SHISA9: variants seen among roughly 807,000 people sequenced by gnomAD.
SHISA9 encodes the protein protein shisa-9.
Under a neutral mutation model 38.0 loss-of-function variants are expected in SHISA9, and 13 were observed. That is an observed-to-expected ratio of 0.34 (90% CI 0.22 to 0.54). The LOEUF (loss-of-function observed/expected upper bound fraction) is 0.54. Among genes scored for constraint, SHISA9 ranks in the 20% least tolerant of loss-of-function variants. The pLI, the probability that SHISA9 is intolerant of heterozygous loss-of-function variation, is 0.91. For synonymous variants in SHISA9, 275 were observed against 242.0 expected (o/e 1.14, Z -1.27); for missense variants, 538 against 575.8 (o/e 0.93, Z 0.67).
At chr16:13,156,715 C>T (rs2050550602) in intron 2 of SHISA9, among the ~76,000 whole-genome samples, 1 of 124,348 alleles carries the variant, frequency 8.0e-6, no homozygotes, top group Non-Finnish European at 1.6e-5. Flanking sequence ...GCCTGGGCAA[C>T]AGAGTGAGAC....
intron 2 of SHISA9, among the ~76,000 whole-genome samples, chr16:13,095,794 G>A (rs939119850): frequency 2.0e-5 from 3 of 152,260 alleles, no homozygotes; most frequent in Non-Finnish European, 2.9e-5. Context: ...GGTTTATACA[G>A]CAAGGCAATC....
At chr16:13,441,980 C>G in the SHISA9 span, among the ~76,000 whole-genome samples, 1 of 152,214 alleles carries the variant, frequency 6.6e-6, no homozygotes, top group Non-Finnish European at 1.5e-5. Context: ...TTTGCAAATG[C>G]AAACTCAGCT....
At chr16:13,509,995 C>A in the SHISA9 span, among the ~76,000 whole-genome samples, 2 of 152,038 alleles carry the variant, frequency 1.3e-5, no homozygotes, top group Non-Finnish European at 2.9e-5. Flanking sequence ...TATGCCAGAT[C>A]TTATTATTAT....
downstream of SHISA9, among the ~76,000 whole-genome samples, chr16:13,240,944 AG>A (rs1243335914): frequency 4.8e-5 from 6 of 123,734 alleles, no homozygotes; most frequent in Admixed American, 9.2e-5. Flanking sequence ...GAATACTGGG[AG>A]GGGGTGGGAG....
chr16:13,119,187 C>G (rs4548843), intron 2 of SHISA9, among the ~76,000 whole-genome samples: 1 of 152,132 alleles, frequency 6.6e-6, no homozygotes, highest in Admixed American at 6.6e-5. Context: ...CATTTCTTAT[C>G]TCATTTAAGC....
At chr16:13,083,108 G>C (rs2073671473) in intron 2 of SHISA9, among the ~76,000 whole-genome samples, 1 of 152,166 alleles carries the variant, frequency 6.6e-6, no homozygotes. Flanking sequence ...ATAGAGGGGA[G>C]GGGCAGCCAA....
At chr16:13,320,120 G>A in the SHISA9 span, among the ~76,000 whole-genome samples, 3 of 151,402 alleles carry the variant, frequency 2.0e-5, no homozygotes, top group East Asian at 3.9e-4. Context: ...GTGAAACCCC[G>A]TCTCTACTGA....
chr16:13,026,259 C>T (rs563753291), intron 2 of SHISA9, among the ~76,000 whole-genome samples: 2 of 152,266 alleles, frequency 1.3e-5, no homozygotes, highest in African/African-American at 4.8e-5. Flanking sequence ...CGGCAACTAC[C>T]CTTCTACTTT....
the SHISA9 span, among the ~76,000 whole-genome samples, chr16:13,293,242 G>A: frequency 3.3e-5 from 5 of 152,014 alleles, no homozygotes; most frequent in Non-Finnish European, 5.9e-5. Context: ...ACACACGCAC[G>A]CGCGCAAACA....
At chr16:13,221,444 T>A (rs1299617955) in intron 4 of SHISA9, among the ~76,000 whole-genome samples, 1 of 151,520 alleles carries the variant, frequency 6.6e-6, no homozygotes, top group Non-Finnish European at 1.5e-5. Flanking sequence ...TGGACTTTTT[T>A]TTTTTTTTTT....
At chr16:13,271,719 G>A in the SHISA9 span, among the ~76,000 whole-genome samples, 2 of 152,164 alleles carry the variant, frequency 1.3e-5, no homozygotes, top group Non-Finnish European at 2.9e-5. Context: ...TGGTTGCCTG[G>A]AGCTGGAGGT....
intron 2 of SHISA9, among the ~76,000 whole-genome samples, chr16:13,037,753 A>G (rs764657881): frequency 1.1e-4 from 16 of 152,152 alleles, no homozygotes; most frequent in Non-Finnish European, 1.8e-4. Context: ...TTAGAACGTT[A>G]TAGACATGTA....
the SHISA9 span, among the ~76,000 whole-genome samples, chr16:13,486,572 A>G: frequency 4.8e-3 from 731 of 152,300 alleles, 5 homozygotes; most frequent in Non-Finnish European, 8.9e-3. Context: ...GTTTTTGCTC[A>G]CTTATAAAAT....
chr16:13,171,881 C>T (rs2050689736), intron 2 of SHISA9, among the ~76,000 whole-genome samples: 1 of 152,184 alleles, frequency 6.6e-6, no homozygotes, highest in African/African-American at 2.4e-5. Flanking sequence ...GAATAGCTTT[C>T]TCTCTCGGAT....
the SHISA9 span, among the ~76,000 whole-genome samples, chr16:13,362,712 CTT>C: frequency 1.3e-5 from 2 of 152,204 alleles, no homozygotes; most frequent in East Asian, 3.8e-4. Context: ...AGTTTCCTCT[CTT>C]TCACTTCTCA....
chr16:13,332,399 T>C, the SHISA9 span: 2 of 152,142 alleles, frequency 1.3e-5, no homozygotes. Flanking sequence ...CATTTCTTGT[T>C]GGAAAAATAT....
chr16:13,326,034 T>C, the SHISA9 span, among the ~76,000 whole-genome samples: 1 of 149,754 alleles, frequency 6.7e-6, no homozygotes, highest in East Asian at 2.0e-4. Flanking sequence ...AACCTGCACG[T>C]TCTGCACATG....
intron 2 of SHISA9, among the ~76,000 whole-genome samples, chr16:13,197,084 T>G (rs2050950887): frequency 6.9e-6 from 1 of 144,354 alleles, no homozygotes; most frequent in African/African-American, 2.8e-5. Context: ...AGAGTGAAAC[T>G]GTATCTCTCT....
chr16:13,508,956 C>T, the SHISA9 span, among the ~76,000 whole-genome samples: 3 of 152,270 alleles, frequency 2.0e-5, no homozygotes, highest in South Asian at 6.2e-4. Flanking sequence ...TCCTGCAGAA[C>T]TGATGAGCAA....
Sources: allele counts gnomAD v4.1 joint callset (sites outside exome capture counted in the v4.1 genomes callset), GRCh38; gene constraint gnomAD v4.1.1; transcripts MANE v1.5; gene names NCBI Gene and HGNC (gene_info 2026-07-23, HGNC 2026-07-21).